Variants in ZFYVE9 observed in about 807,000 individuals in gnomAD.
ZFYVE9 encodes zinc finger FYVE-type containing 9, also known as zinc finger FYVE domain-containing protein 9.
A neutral mutation model predicts 126.7 loss-of-function variants in ZFYVE9; 43 were observed. That is an observed-to-expected ratio of 0.34 (90% CI 0.27 to 0.44). The LOEUF is 0.44. ZFYVE9 is among the 20% of genes least tolerant of loss of function. The probability of loss-of-function intolerance (pLI) is 1.00; values close to 1 mark genes in which losing one functional copy is unlikely to be tolerated. For missense variants in ZFYVE9, 1,476 were observed against 1,697.0 expected, an observed-to-expected ratio of 0.87 and a Z score of 2.29; for synonymous variants, 521 against 597.4, an observed-to-expected ratio of 0.87 and a Z score of 1.87.
intron 17 of ZFYVE9, among the ~76,000 whole-genome samples, chr1:52,341,959 C>A (rs765940182): frequency 1.3e-5 from 2 of 152,126 alleles, no homozygotes; most frequent in African/African-American, 4.8e-5. Flanking sequence ...CTCCTTTTTG[C>A]TCCCCAGTAG....
intron 17 of ZFYVE9, among the ~76,000 whole-genome samples, chr1:52,340,886 C>T (rs1276815446): frequency 8.6e-6 from 1 of 115,694 alleles, no homozygotes; most frequent in African/African-American, 3.3e-5. Flanking sequence ...GCCTAGGCAA[C>T]AGAGCAAGAC....
At chr1:52,220,752 C>G (rs1645116795) in intron 2 of ZFYVE9, among the ~76,000 whole-genome samples, 1 of 152,118 alleles carries the variant, frequency 6.6e-6, no homozygotes, top group Non-Finnish European at 1.5e-5. Context: ...TCCCTCTGGG[C>G]TCTCCTGAGC....
intron 13 of ZFYVE9, among the ~76,000 whole-genome samples, chr1:52,306,042 GA>G (rs1646081139): frequency 4.6e-5 from 7 of 152,320 alleles, no homozygotes; most frequent in Non-Finnish European, 8.8e-5. Context: ...ACACGTTCCT[GA>G]GCAGAAGAGG....
intron 2 of ZFYVE9, among the ~76,000 whole-genome samples, chr1:52,225,079 TCA>T (rs931885954): frequency 6.6e-6 from 1 of 152,162 alleles, no homozygotes; most frequent in Non-Finnish European, 1.5e-5. Flanking sequence ...CGTGTCTCAC[TCA>T]CACACTTTCA....
At chr1:52,165,582 A>G (rs1256025579) in intron 1 of ZFYVE9, among the ~76,000 whole-genome samples, 1 of 152,156 alleles carries the variant, frequency 6.6e-6, no homozygotes, top group Admixed American at 6.5e-5. Context: ...TGGGAGATAG[A>G]AGGCAAATTT....
Position 52,237,632 on chromosome 1 carries a change from TCTCC to T in ZFYVE9, c.218_221del (p.Ser73TrpfsTer7). 1 of 1,614,096 alleles carries T rather than the reference TCTCC, an allele frequency of 6.2e-7. No individual in the cohort carries two copies. Among genetic ancestry groups the T allele is most frequent in the Non-Finnish European group, 8.5e-7 (1 of 1,179,980 alleles). On this transcript the variant is annotated frameshift_variant, in exon 4 of 19. Coordinates refer to ENST00000287727, the MANE Select transcript of ZFYVE9 (RefSeq NM_004799.4). LOFTEE classifies it high-confidence loss of function. Reference sequence around the variant, plus strand: ...GAGTCACAACCACAACTGAAAGTCTTCTCCCTGGCTCATTCAGCTCCCCTGACCA... The same window carrying T: ...GAGTCACAACCACAACTGAAAGTCTTCTGGCTCATTCAGCTCCCCTGACCA...
In ZFYVE9 at chr1:52,237,872, C is replaced by G. The variant is rs1433730811; in HGVS notation, c.455C>G (p.Ala152Gly). The change falls in exon 4 of 19, where the codon GCC becomes GGC. Residue 152 changes from alanine (A) to glycine (G), a missense_variant. By Grantham distance (60) the Ala-to-Gly change is moderately conservative. Around this residue, in one of 2 missense-constraint regions of ZFYVE9, gnomAD observed 807 missense variants for 794.6 expected, o/e 1.02. Transcript: ENST00000287727. ...GATGAGAAGAATGTTCTTGTTGTAGCCGTCATGCATAACTGTGATAAAAGG... is the reference window on the plus strand; with the variant it reads ...GATGAGAAGAATGTTCTTGTTGTAGGCGTCATGCATAACTGTGATAAAAGG... The part of the protein sequence containing the change: ...LPDEKNVLVV[A>G]VMHNCDKRTL... 6.2e-7 allele frequency: 1 copy of G among 1,613,964 alleles called. No homozygotes were observed. Among genetic ancestry groups the G allele is most frequent in the Non-Finnish European group, 8.5e-7 (1 of 1,179,954 alleles).
At chr1:52,279,869 A>G (rs896740366) in intron 9 of ZFYVE9, among the ~76,000 whole-genome samples, 1 of 152,166 alleles carries the variant, frequency 6.6e-6, no homozygotes, top group Non-Finnish European at 1.5e-5. Flanking sequence ...GCAGTTCTCC[A>G]TGTGTACTTA....
intron 1 of ZFYVE9, among the ~76,000 whole-genome samples, chr1:52,185,788 G>A (rs1303427791): frequency 6.6e-6 from 1 of 151,588 alleles, no homozygotes; most frequent in East Asian, 1.9e-4. Context: ...TGGGCATGGT[G>A]GTGTTTCTGT....
chr1:52,201,227 T>A (rs1228188740), intron 1 of ZFYVE9, among the ~76,000 whole-genome samples: 1 of 152,184 alleles, frequency 6.6e-6, no homozygotes, highest in South Asian at 2.1e-4. Context: ...AAGTATTTTG[T>A]TTATTTTGGT....
At chr1:52,327,552 G>A (rs1057159549) in intron 13 of ZFYVE9, among the ~76,000 whole-genome samples, 14 of 151,702 alleles carry the variant, frequency 9.2e-5, no homozygotes, top group East Asian at 1.9e-4. Flanking sequence ...GCAGTGAGCC[G>A]AGATGGTGCC....
At chr1:52,195,631 C>T (rs1011491251) in intron 1 of ZFYVE9, among the ~76,000 whole-genome samples, 1 of 151,386 alleles carries the variant, frequency 6.6e-6, no homozygotes, top group Non-Finnish European at 1.5e-5. Flanking sequence ...AGTAAGTGGT[C>T]AATAAATATT....
rs528483246 is a variant in ZFYVE9 at position 52,268,373 on chromosome 1, A to C, written c.2456-90A>C. The C allele has an allele frequency of 1.6e-5, 22 of 1,356,234 alleles. No homozygotes were observed. The East Asian group carries it at 4.6e-4, about 29-fold the overall frequency. The allele number at this position is 1,356,234 out of a possible 1,614,324, so 84.0% of individuals were successfully genotyped here. A position where few individuals can be genotyped will look rare whatever the true frequency, so the allele number is the denominator to read the frequency against. On this transcript the variant is annotated intron_variant, in intron 6 of 18. Coordinates refer to ENST00000287727, the MANE Select transcript of ZFYVE9 (RefSeq NM_004799.4). The stretch of plus-strand genomic sequence containing the variant: ...AGTTGCCAAGTAATGATTTCTTTGT[A>C]CATCTGGAATTGGTGACCTTCTCTT...
At chr1:52,268,679 G>A (rs1380125996) in intron 7 of ZFYVE9, 47 bp downstream of exon 7, 1 of 1,583,358 alleles carries the variant, frequency 6.3e-7, no homozygotes, top group Non-Finnish European at 8.6e-7. Context: ...ACTTTACTCA[G>A]CATTGTGCTG....
intron 2 of ZFYVE9, among the ~76,000 whole-genome samples, chr1:52,223,286 C>G (rs934854899): frequency 6.6e-6 from 1 of 152,184 alleles, no homozygotes; most frequent in Non-Finnish European, 1.5e-5. Flanking sequence ...CTCCCCCTCC[C>G]TGTTCCCTGA....
intron 1 of ZFYVE9, among the ~76,000 whole-genome samples, chr1:52,195,321 C>T (rs1377713005): frequency 6.6e-6 from 1 of 152,164 alleles, no homozygotes; most frequent in Non-Finnish European, 1.5e-5. Context: ...GAATCTGAGA[C>T]GTGAAACCAG....
intron 13 of ZFYVE9, among the ~76,000 whole-genome samples, chr1:52,327,838 G>A (rs890929160): frequency 3.0e-4 from 45 of 151,962 alleles, no homozygotes; most frequent in African/African-American, 1.1e-3. Context: ...AGCCCGGGTG[G>A]TGGCGGGCGC....
At chr1:52,300,385 T>A (rs982359075) in intron 12 of ZFYVE9, among the ~76,000 whole-genome samples, 1 of 151,780 alleles carries the variant, frequency 6.6e-6, no homozygotes, top group African/African-American at 2.4e-5. Flanking sequence ...ATGTCAGGAG[T>A]TTGAGACCAG....
chr1:52,310,697 G>A (rs1476791070), intron 13 of ZFYVE9, among the ~76,000 whole-genome samples: 1 of 152,156 alleles, frequency 6.6e-6, no homozygotes, highest in Non-Finnish European at 1.5e-5. Flanking sequence ...TACCAATTTA[G>A]TTTTAGGGCT....
Sources: allele counts gnomAD v4.1 joint callset (sites outside exome capture counted in the v4.1 genomes callset), GRCh38; gene constraint gnomAD v4.1.1; regional missense constraint gnomAD v4.1.1; transcripts MANE v1.5; gene names NCBI Gene and HGNC (gene_info 2026-07-23, HGNC 2026-07-21).